Variants in SUPT3H observed in about 807,000 individuals in gnomAD.
The protein encoded by SUPT3H is transcription initiation protein SPT3 homolog.
Under a neutral mutation model 44.3 loss-of-function variants are expected in SUPT3H, and 44 were observed. The ratio of observed to expected loss-of-function variants is 0.99; its 90% confidence interval spans 0.78 to 1.28. The LOEUF (loss-of-function observed/expected upper bound fraction) is 1.28, where lower values mean the gene tolerates loss of function less well. SUPT3H is among the 50% of genes most tolerant of loss of function. The probability of loss-of-function intolerance (pLI) is 0.00; values close to 1 mark genes in which losing one functional copy is unlikely to be tolerated. For synonymous variants in SUPT3H, 124 were observed against 125.6 expected (o/e 0.99, Z 0.09); for missense variants, 380 against 387.1 (o/e 0.98, Z 0.15).
intron 3 of SUPT3H, among the ~76,000 whole-genome samples, chr6:45,049,562 C>T (rs548456881): frequency 6.6e-6 from 1 of 152,254 alleles, no homozygotes; most frequent in African/African-American, 2.4e-5. Context: ...ACTTGCCTGC[C>T]ACTAATTTTG....
At chr6:45,118,564 T>C (rs1414171270) in intron 2 of SUPT3H, among the ~76,000 whole-genome samples, 1 of 152,162 alleles carries the variant, frequency 6.6e-6, no homozygotes, top group African/African-American at 2.4e-5. Flanking sequence ...AAACTCCCTA[T>C]GGACAGCTGA....
At chr6:45,087,239 A>C (rs1796585115) in intron 3 of SUPT3H, among the ~76,000 whole-genome samples, 1 of 151,980 alleles carries the variant, frequency 6.6e-6, no homozygotes, top group Admixed American at 6.6e-5. Context: ...TTTTCAAAAT[A>C]ATAATGCTGG....
chr6:45,011,858 G>A (rs1446501342), intron 5 of SUPT3H, among the ~76,000 whole-genome samples: 2 of 151,734 alleles, frequency 1.3e-5, no homozygotes. Flanking sequence ...TTTCTTACAT[G>A]GGTCTGACGG....
intron 3 of SUPT3H, among the ~76,000 whole-genome samples, chr6:45,033,374 T>A (rs191016234): frequency 1.6e-3 from 245 of 152,218 alleles, no homozygotes; most frequent in African/African-American, 5.6e-3. Flanking sequence ...GTTCCTTCAA[T>A]ATATACTTAT....
chr6:45,369,558 C>T (rs1162748772), intron 1 of SUPT3H, among the ~76,000 whole-genome samples: 3 of 152,062 alleles, frequency 2.0e-5, no homozygotes, highest in Non-Finnish European at 4.4e-5. Flanking sequence ...GTCATTCCCT[C>T]CACTCTCCTC....
chr6:45,120,928 A>G (rs191489675), intron 2 of SUPT3H, among the ~76,000 whole-genome samples: 69 of 152,314 alleles, frequency 4.5e-4, no homozygotes, highest in Admixed American at 7.8e-4. Flanking sequence ...ATATTAGAAC[A>G]ATAATATTAG....
At position 44,828,455 on chromosome 6, in the gene SUPT3H, G is replaced by A. The variant is rs990298555; in HGVS notation, c.*1361C>T. On this transcript the variant is annotated 3_prime_UTR_variant, in exon 11 of 11. Transcript: ENST00000371459. The stretch of plus-strand genomic sequence containing the variant: ...AATGTGGCATAATAATATTAACTGA[G>A]CCTCATAATTCTTTGAGTCTGATGG... Among the ~76,000 whole-genome samples the A allele has an allele frequency of 1.3e-5, 2 of 152,126 alleles. No homozygotes were observed. Among genetic ancestry groups the A allele is most frequent in the African/African-American group, 2.4e-5 (1 of 41,452 alleles).
chr6:44,987,512 T>G (rs962257965), intron 6 of SUPT3H, among the ~76,000 whole-genome samples: 1 of 151,998 alleles, frequency 6.6e-6, no homozygotes, highest in Non-Finnish European at 1.5e-5. Flanking sequence ...AATTGACCAA[T>G]GTATTTGGCA....
At chr6:44,881,850 A>G (rs1778270839) in intron 10 of SUPT3H, among the ~76,000 whole-genome samples, 1 of 152,222 alleles carries the variant, frequency 6.6e-6, no homozygotes. Context: ...GAACTAAGAC[A>G]TGACGTACAA....
At chr6:45,346,513 T>C (rs1465498567) in intron 2 of SUPT3H, among the ~76,000 whole-genome samples, 1 of 151,998 alleles carries the variant, frequency 6.6e-6, no homozygotes, top group Non-Finnish European at 1.5e-5. Context: ...CTTACTTTCT[T>C]TTCACATCAT....
At chr6:44,906,465 T>C (rs1193771222) in intron 10 of SUPT3H, among the ~76,000 whole-genome samples, 1 of 152,160 alleles carries the variant, frequency 6.6e-6, no homozygotes, top group South Asian at 2.1e-4. Flanking sequence ...TTTTCTTACC[T>C]ATAAAACAAA....
intron 2 of SUPT3H, among the ~76,000 whole-genome samples, chr6:45,196,262 T>C (rs569796899): frequency 4.9e-4 from 75 of 152,176 alleles, no homozygotes; most frequent in African/African-American, 1.7e-3. Context: ...TTTTAGACCA[T>C]AGCACCACTG....
At chr6:45,343,971 G>C (rs1228615551) in intron 2 of SUPT3H, among the ~76,000 whole-genome samples, 1 of 151,962 alleles carries the variant, frequency 6.6e-6, no homozygotes, top group East Asian at 1.9e-4. Flanking sequence ...GTTGTTTACT[G>C]GTAAAATATT....
intron 2 of SUPT3H, among the ~76,000 whole-genome samples, chr6:45,120,876 T>G (rs1801560524): frequency 6.6e-6 from 1 of 152,168 alleles, no homozygotes; most frequent in Non-Finnish European, 1.5e-5. Context: ...GGAATAATTG[T>G]ACTAAACAAT....
intron 2 of SUPT3H, among the ~76,000 whole-genome samples, chr6:45,273,198 G>A (rs180980188): frequency 4.0e-4 from 61 of 152,270 alleles, no homozygotes; most frequent in African/African-American, 1.2e-3. Context: ...GCCAGTTTCT[G>A]CTGTTGTCAA....
At chr6:45,307,938 G>A (rs962173404) in intron 2 of SUPT3H, among the ~76,000 whole-genome samples, 3 of 152,130 alleles carry the variant, frequency 2.0e-5, no homozygotes, top group Non-Finnish European at 2.9e-5. Flanking sequence ...TGAAAACCAC[G>A]GCACGAGAAC....
At chr6:45,282,974 C>T (rs1365047308) in intron 2 of SUPT3H, among the ~76,000 whole-genome samples, 6 of 152,192 alleles carry the variant, frequency 3.9e-5, no homozygotes, top group African/African-American at 9.6e-5. Context: ...AATTTCATAT[C>T]CAGCCAAACT....
At chr6:44,987,768 G>A (rs1780020507) in intron 6 of SUPT3H, among the ~76,000 whole-genome samples, 1 of 152,032 alleles carries the variant, frequency 6.6e-6, no homozygotes. Flanking sequence ...TCGGTGCTCT[G>A]GTAGCGTGTG....
chr6:44,908,154 CTT>C (rs70993481), intron 10 of SUPT3H, among the ~76,000 whole-genome samples: 10 of 136,904 alleles, frequency 7.3e-5, no homozygotes, highest in Non-Finnish European at 6.3e-5. Context: ...TTTTTCTTTT[CTT>C]TTTTTTTTTT....
Sources: gnomAD v4.1 joint callset for allele counts (sites outside exome capture counted in the v4.1 genomes callset) on GRCh38, gnomAD v4.1.1 for gene constraint, MANE v1.5 for transcripts, NCBI Gene and HGNC (gene_info 2026-07-23, HGNC 2026-07-21) for gene names.